GON4L: variants seen among roughly 807,000 people sequenced by gnomAD.
The protein encoded by GON4L is gon-4 like, also known as GON-4-like protein.
A neutral mutation model predicts 211.8 loss-of-function variants in GON4L; 87 were observed. That is an observed-to-expected ratio of 0.41 (90% CI 0.35 to 0.49). The LOEUF (loss-of-function observed/expected upper bound fraction) is 0.49. Ranked by LOEUF, GON4L falls within the 20% of genes least tolerant of loss-of-function variation. The pLI is 0.15. For missense variants in GON4L, 2,155 were observed against 2,659.5 expected (o/e 0.81, Z 4.17); for synonymous variants, 875 against 962.6 (o/e 0.91, Z 1.68).
At chr1:155,805,264 T>G (rs1272895965) in intron 10 of GON4L, 123 bp from the exon 11 acceptor site, 4 of 709,482 alleles carry the variant, frequency 5.6e-6, no homozygotes, top group Non-Finnish European at 1.0e-5. Context: ...GGATTTATTA[T>G]TGTTTGAGAA....
At chr1:155,815,984 A>AT in intron 7 of GON4L, 84 bp from the exon 8 acceptor site, 1 of 856,502 alleles carries the variant, frequency 1.2e-6, no homozygotes, top group Non-Finnish European at 2.0e-6. Flanking sequence ...GAAGCAGGGC[A>AT]GAAAAAAAAA....
rs975696377 is a variant in GON4L at position 155,773,118 on chromosome 1, G to A, written c.2443C>T (p.Leu815=). The A allele has an allele frequency of 5.0e-6, 8 of 1,613,098 alleles. No individual in the cohort carries two copies. The African/African-American group carries it at 6.7e-5, about 13-fold the overall frequency. The part of the protein sequence containing the change: ...MYPELLPVCS[L]KAKNPQDKIV... ...TTATCCTGGGGATTCTTTGCCTTCA[G>A]GGAACACACTGGAAGTAACTCTGGA... The change falls in exon 18 of 32, where the codon CTG becomes TTG. Residue 815 remains leucine, a synonymous_variant. Coordinates refer to ENST00000368331, the MANE Select transcript of GON4L (RefSeq NM_001282860.2).
chr1:155,849,603 G>C (rs1322397147), intron 2 of GON4L, among the ~76,000 whole-genome samples: 1 of 145,502 alleles, frequency 6.9e-6, no homozygotes, highest in Non-Finnish European at 1.5e-5. Flanking sequence ...GTGAAACCCC[G>C]TCTCTACTAA....
intron 10 of GON4L, among the ~76,000 whole-genome samples, chr1:155,812,447 G>A (rs902596214): frequency 1.3e-5 from 2 of 152,024 alleles, no homozygotes; most frequent in Admixed American, 6.6e-5. Context: ...AGGGTTGAAT[G>A]CTGAATAGGG....
intron 20 of GON4L, chr1:155,767,091 T>A (rs180697301): frequency 3.2e-6 from 2 of 618,508 alleles, no homozygotes; most frequent in Non-Finnish European, 5.5e-6. Flanking sequence ...ACAATAGGGC[T>A]TTCTAGGTTT....
At chr1:155,779,557 C>T (rs570285862) in intron 14 of GON4L, among the ~76,000 whole-genome samples, 2 of 152,166 alleles carry the variant, frequency 1.3e-5, no homozygotes, top group Admixed American at 6.5e-5. Flanking sequence ...CCTCATGATC[C>T]ACCTGCCTCG....
In GON4L at chr1:155,760,236, C is replaced by T. The variant is rs3738585; in HGVS notation, c.5109+208G>A. 1.1e-3 allele frequency among the ~76,000 whole-genome samples: 170 copies of T among 151,966 alleles called. No homozygotes were observed. In the East Asian group the frequency reaches 0.015, roughly 14 times the overall value. ...GTCCTTTGGCAACTATAGGTAAAACCCTCTCATTTATCATGTAAAGAAAAT... is the reference window on the plus strand; with the variant it reads ...GTCCTTTGGCAACTATAGGTAAAACTCTCTCATTTATCATGTAAAGAAAAT... On this transcript the variant is annotated intron_variant, in intron 24 of 31. Transcript: ENST00000368331.
intron 12 of GON4L, among the ~76,000 whole-genome samples, chr1:155,789,385 A>G (rs994645398): frequency 6.6e-6 from 1 of 152,110 alleles, no homozygotes; most frequent in Non-Finnish European, 1.5e-5. Flanking sequence ...TAAACCCACC[A>G]CTTTGGGAGG....
chr1:155,784,251 A>G (rs1217312156), intron 13 of GON4L, 162 bp from the exon 14 acceptor site: 1 of 943,568 alleles, frequency 1.1e-6, no homozygotes, highest in Non-Finnish European at 1.6e-6. Flanking sequence ...ATTCCCACAA[A>G]CCCACACTTG....
At chr1:155,795,172 A>G in intron 11 of GON4L, 21 bp from the exon 12 acceptor site, 1 of 1,233,596 alleles carries the variant, frequency 8.1e-7, no homozygotes, top group Non-Finnish European at 1.2e-6. Context: ...AAAGTGTTTC[A>G]GATGCTCATT....
intron 28 of GON4L, chr1:155,754,129 G>A (rs1660898406): frequency 5.6e-6 from 3 of 540,332 alleles, no homozygotes; most frequent in Non-Finnish European, 1.0e-5. Flanking sequence ...AATATCTGAG[G>A]GAAATATTTT....
chr1:155,772,086 A>T (rs1272033285), intron 18 of GON4L, among the ~76,000 whole-genome samples: 1 of 151,868 alleles, frequency 6.6e-6, no homozygotes, highest in Non-Finnish European at 1.5e-5. Flanking sequence ...ACCGGGGGCG[A>T]AGGTTGCAGT....
At chr1:155,800,582 G>A (rs531679635) in intron 11 of GON4L, among the ~76,000 whole-genome samples, 51 of 151,982 alleles carry the variant, frequency 3.4e-4, no homozygotes, top group Non-Finnish European at 1.8e-4. Context: ...GGCCAGGTGC[G>A]GTGGCTCAAG....
At chr1:155,748,361 G>A, downstream of GON4L, 1 of 1,569,810 alleles carries the variant, frequency 6.4e-7, no homozygotes, top group East Asian at 2.2e-5. Context: ...TTCTTTTCCA[G>A]GCCCGAGGCC....
intron 31 of GON4L, among the ~76,000 whole-genome samples, chr1:155,751,059 C>T (rs1660528339): frequency 6.6e-6 from 1 of 152,184 alleles, no homozygotes; most frequent in South Asian, 2.1e-4. Flanking sequence ...CCACTGCGCC[C>T]AGCCTCACTG....
At chr1:155,834,308 T>A (rs1670092686) in intron 2 of GON4L, among the ~76,000 whole-genome samples, 1 of 152,174 alleles carries the variant, frequency 6.6e-6, no homozygotes, top group Admixed American at 6.6e-5. Context: ...TCCTTCCTCT[T>A]TTCACTTTTA....
intron 2 of GON4L, chr1:155,832,768 C>T (rs1669919875): frequency 6.6e-6 from 1 of 152,116 alleles, no homozygotes; most frequent in Admixed American, 6.6e-5. Flanking sequence ...TATGATGCTG[C>T]TGCTTTCATA....
At chr1:155,837,838 T>C (rs1670446939) in intron 2 of GON4L, among the ~76,000 whole-genome samples, 2 of 151,978 alleles carry the variant, frequency 1.3e-5, no homozygotes, top group South Asian at 2.1e-4. Flanking sequence ...GATTACCTAT[T>C]AGAAAAAAAA....
chr1:155,775,522 T>G (rs1328894071), intron 16 of GON4L, among the ~76,000 whole-genome samples: 1 of 151,966 alleles, frequency 6.6e-6, no homozygotes, highest in Admixed American at 6.6e-5. Flanking sequence ...TGGTGCGATC[T>G]TGACTCACTG....
Sources: allele counts gnomAD v4.1 joint callset (sites outside exome capture counted in the v4.1 genomes callset), GRCh38; gene constraint gnomAD v4.1.1; transcripts MANE v1.5; gene names NCBI Gene and HGNC (gene_info 2026-07-23, HGNC 2026-07-21).